Variants in RIPOR3 observed in about 807,000 individuals in gnomAD.
RIPOR3 encodes RIPOR family member 3.
Under a neutral mutation model 114.3 loss-of-function variants are expected in RIPOR3, and 95 were observed. The observed-to-expected ratio is 0.83, with a 90% CI of 0.70 to 0.99. RIPOR3 has a LOEUF of 0.99. Ranked by LOEUF, RIPOR3 falls within the 50% of genes least tolerant of loss-of-function variation. The probability of loss-of-function intolerance (pLI) is 0.00; values close to 1 mark genes in which losing one functional copy is unlikely to be tolerated. For synonymous variants in RIPOR3, 575 were observed against 543.8 expected, an observed-to-expected ratio of 1.06 and a Z score of -0.80; for missense variants, 1,252 against 1,266.9, an observed-to-expected ratio of 0.99 and a Z score of 0.18.
chr20:50,655,655 T>A (rs1223783188), intron 1 of RIPOR3, among the ~76,000 whole-genome samples: 2 of 150,414 alleles, frequency 1.3e-5, no homozygotes, highest in East Asian at 3.9e-4. Flanking sequence ...CCCTCCTGTC[T>A]CGGTTAGCGT....
At chr20:50,614,392 C>G (rs1165024442) in intron 4 of RIPOR3, among the ~76,000 whole-genome samples, 1 of 152,192 alleles carries the variant, frequency 6.6e-6, no homozygotes, top group East Asian at 1.9e-4. Flanking sequence ...CCCAGTCCCT[C>G]AGTCAAGCTG....
At chr20:50,672,711 T>A (rs1226219240) in intron 1 of RIPOR3, among the ~76,000 whole-genome samples, 3 of 152,176 alleles carry the variant, frequency 2.0e-5, no homozygotes, top group Non-Finnish European at 4.4e-5. Flanking sequence ...GTCAGGAGAA[T>A]GGACTTTCCA....
chr20:50,594,430 T>C, intron 17 of RIPOR3, 123 bp downstream of exon 17: 1 of 1,194,958 alleles, frequency 8.4e-7, no homozygotes, highest in African/African-American at 1.5e-5. Flanking sequence ...CTCCGTCCGA[T>C]GGCATGAAGA....
chr20:50,627,161 G>T (rs1257352956), intron 2 of RIPOR3, among the ~76,000 whole-genome samples: 1 of 151,778 alleles, frequency 6.6e-6, no homozygotes, highest in African/African-American at 2.4e-5. Flanking sequence ...CTGGGTGACA[G>T]AGCAAGACTC....
At chr20:50,676,319 C>T (rs1368003878) in intron 1 of RIPOR3, among the ~76,000 whole-genome samples, 1 of 152,008 alleles carries the variant, frequency 6.6e-6, no homozygotes, top group African/African-American at 2.4e-5. Flanking sequence ...TGGGATGAGG[C>T]CCATCATCTC....
At chr20:50,624,570 C>A (rs755870258) in intron 2 of RIPOR3, among the ~76,000 whole-genome samples, 104 of 152,336 alleles carry the variant, frequency 6.8e-4, no homozygotes, top group Middle Eastern at 3.4e-3. Context: ...CCCGCCCACC[C>A]GGGGAAGGTG....
At chr20:50,591,482 A>G (rs1475791185) in intron 19 of RIPOR3, among the ~76,000 whole-genome samples, 2 of 152,170 alleles carry the variant, frequency 1.3e-5, no homozygotes, top group Non-Finnish European at 2.9e-5. Context: ...TGCTCTGTCT[A>G]CTTTTGCAAG....
chr20:50,632,542 G>A (rs920084641), intron 1 of RIPOR3, among the ~76,000 whole-genome samples: 1 of 152,222 alleles, frequency 6.6e-6, no homozygotes, highest in Admixed American at 6.5e-5. Flanking sequence ...CTGACCACTC[G>A]CTGTGTGGCA....
At chr20:50,631,709 A>C (rs2084827481) in intron 1 of RIPOR3, among the ~76,000 whole-genome samples, 1 of 152,016 alleles carries the variant, frequency 6.6e-6, no homozygotes, top group African/African-American at 2.4e-5. Context: ...CCAGTCTCCG[A>C]CCCGCCCTGC....
intron 4 of RIPOR3, chr20:50,614,519 G>A (rs942681653): frequency 2.1e-4 from 36 of 169,478 alleles, no homozygotes; most frequent in African/African-American, 8.6e-4. Context: ...AATTCATTAA[G>A]GACATGTGGG....
intron 1 of RIPOR3, among the ~76,000 whole-genome samples, chr20:50,644,193 A>C (rs1332749072): frequency 6.6e-6 from 1 of 151,880 alleles, no homozygotes; most frequent in Non-Finnish European, 1.5e-5. Context: ...GCTGGTTTGG[A>C]ACTCCTGGCC....
intron 1 of RIPOR3, among the ~76,000 whole-genome samples, chr20:50,665,578 A>G (rs1308452679): frequency 6.6e-6 from 1 of 151,638 alleles, no homozygotes; most frequent in Non-Finnish European, 1.5e-5. Flanking sequence ...GCACCACGAC[A>G]CTGGGCTAAT....
intron 1 of RIPOR3, among the ~76,000 whole-genome samples, chr20:50,650,629 C>G (rs1294041595): frequency 6.6e-6 from 1 of 152,094 alleles, no homozygotes; most frequent in African/African-American, 2.4e-5. Flanking sequence ...TAGAGTGACC[C>G]AAACATTCAG....
Position 50,610,913 on chromosome 20 carries a change from C to T in RIPOR3, c.373-7G>A, listed in dbSNP as rs2083952766. 6.2e-7 allele frequency: 1 copy of T among 1,614,170 alleles called. No individual in the cohort carries two copies. The highest frequency in any genetic ancestry group is 1.7e-5 in the Admixed American group (1 of 60,014). On this transcript the variant is annotated splice_region_variant and splice_polypyrimidine_tract_variant and intron_variant, in intron 5 of 21. Transcript: ENST00000327979. ...TTTCCACACAGCGCGTTTGCTTCTCCCGGAAAAAGGGAAGATGTTTGCAAA... is the reference window on the plus strand; with the variant it reads ...TTTCCACACAGCGCGTTTGCTTCTCTCGGAAAAAGGGAAGATGTTTGCAAA...
At position 50,691,361 on chromosome 20, in the gene RIPOR3, T is replaced by G; in HGVS notation, c.-233A>C. On this transcript the variant is annotated 5_prime_UTR_variant, in exon 1 of 22. Transcript: ENST00000327979. ...CTTCCTTCTGGTGCAGGGAGGCCGGTGCCCTGCCGGGCTCTGATAATGCAG... is the reference window on the plus strand; with the variant it reads ...CTTCCTTCTGGTGCAGGGAGGCCGGGGCCCTGCCGGGCTCTGATAATGCAG... 1 of 387,910 alleles carries G rather than the reference T, an allele frequency of 2.6e-6. No individual in the cohort carries two copies. Among genetic ancestry groups the G allele is most frequent in the Non-Finnish European group, 4.8e-6 (1 of 209,716 alleles). 24.0% of individuals were successfully genotyped at this position (387,910 alleles called of 1,614,324 possible). A position where few individuals can be genotyped will look rare whatever the true frequency, so the allele number is the denominator to read the frequency against.
At chr20:50,627,647 C>T (rs2084669679) in intron 2 of RIPOR3, among the ~76,000 whole-genome samples, 1 of 151,972 alleles carries the variant, frequency 6.6e-6, no homozygotes, top group South Asian at 2.1e-4. Flanking sequence ...CGCGCCATTG[C>T]ACTCCAGCCC....
At chr20:50,634,049 T>A (rs2084907257) in intron 1 of RIPOR3, among the ~76,000 whole-genome samples, 1 of 146,716 alleles carries the variant, frequency 6.8e-6, no homozygotes, top group Non-Finnish European at 1.5e-5. Context: ...TGACACGATC[T>A]CAGCTCACTG....
At chr20:50,642,171 T>C (rs2085221297) in intron 1 of RIPOR3, among the ~76,000 whole-genome samples, 1 of 152,148 alleles carries the variant, frequency 6.6e-6, no homozygotes, top group Admixed American at 6.5e-5. Context: ...CACATTTCCT[T>C]AGGTTTACCG....
intron 3 of RIPOR3, among the ~76,000 whole-genome samples, chr20:50,618,604 G>T (rs6096028): frequency 0.12 from 18,634 of 152,190 alleles, 1,598 homozygotes; most frequent in African/African-American, 0.25. Context: ...GCCTCTGCCT[G>T]CTTACCCTGG....
Sources: allele counts gnomAD v4.1 joint callset (sites outside exome capture counted in the v4.1 genomes callset), GRCh38; gene constraint gnomAD v4.1.1; transcripts MANE v1.5; gene names NCBI Gene and HGNC (gene_info 2026-07-23, HGNC 2026-07-21).